Variants in ADGRB3 observed in about 807,000 individuals in gnomAD.
ADGRB3 encodes the protein adhesion G protein-coupled receptor B3.
In ADGRB3, 37 loss-of-function variants were observed where a neutral mutation model predicts 193.4. That is an observed-to-expected ratio of 0.19 (90% CI 0.15 to 0.25). The LOEUF (loss-of-function observed/expected upper bound fraction) is 0.25. Among genes scored for constraint, ADGRB3 ranks in the 10% least tolerant of loss-of-function variants. The pLI is 1.00. For missense variants in ADGRB3, 1,637 were observed against 1,852.9 expected, an observed-to-expected ratio of 0.88 and a Z score of 2.14; for synonymous variants, 690 against 644.2, an observed-to-expected ratio of 1.07 and a Z score of -1.08.
chr6:68,717,686 A>G (rs1765510738), intron 3 of ADGRB3, among the ~76,000 whole-genome samples: 1 of 151,582 alleles, frequency 6.6e-6, no homozygotes, highest in African/African-American at 2.4e-5. Flanking sequence ...TAAAGATATA[A>G]AAATTAAACT....
At chr6:68,938,814 A>G (rs1240516070) in intron 5 of ADGRB3, among the ~76,000 whole-genome samples, 2 of 152,170 alleles carry the variant, frequency 1.3e-5, no homozygotes, top group African/African-American at 4.8e-5. Flanking sequence ...TCCAGGATCA[A>G]GTTTTATGTC....
chr6:68,806,896 A>G (rs529905397), intron 3 of ADGRB3, among the ~76,000 whole-genome samples: 13 of 152,224 alleles, frequency 8.5e-5, no homozygotes, highest in Admixed American at 2.6e-4. Flanking sequence ...ATATTGTTAC[A>G]CAGTTGCCTT....
intron 29 of ADGRB3, among the ~76,000 whole-genome samples, chr6:69,368,199 G>A (rs909267524): frequency 6.6e-5 from 10 of 152,164 alleles, no homozygotes; most frequent in East Asian, 1.9e-4. Context: ...CTATCCATCC[G>A]TCCATTCATC....
In ADGRB3 at chr6:68,708,870, C is replaced by T. The variant is rs185359283; in HGVS notation, c.757+69438C>T. On this transcript the variant is annotated intron_variant, in intron 3 of 31. Transcript: ENST00000370598. ...CTTTTGTTTTGATTTTCATTAATGT[C>T]GACACCTATTACCAATCTGTACCTA... 3.2e-3 allele frequency among the ~76,000 whole-genome samples: 492 copies of T among 151,968 alleles called. 3 individuals carry two copies. Among genetic ancestry groups the T allele is most frequent in the African/African-American group, 0.011 (467 of 41,474 alleles).
In ADGRB3 at chr6:68,974,814, G is replaced by A; in HGVS notation, c.1577G>A (p.Arg526Lys). 1 of 1,614,004 alleles carries A rather than the reference G, an allele frequency of 6.2e-7. No individual in the cohort carries two copies. The highest frequency in any genetic ancestry group is 8.5e-7 in the Non-Finnish European group (1 of 1,179,936). ...EDYLMSMVWKRTPAGDLAFNQ... is the reference protein window; with the variant it reads ...EDYLMSMVWKKTPAGDLAFNQ... The stretch of plus-strand genomic sequence containing the variant: ...TATCTGATGTCGATGGTGTGGAAAA[G>A]AACTCCAGCAGGCGACTTGGCATTC... Residue 526 changes from arginine to lysine, a missense_variant, in exon 9 of 32, where the codon AGA (arginine) becomes AAA (lysine). By Grantham distance (26) the Arg-to-Lys change is conservative. Around this residue, in one of 7 missense-constraint regions of ADGRB3, gnomAD observed 641 missense variants for 673.9 expected, o/e 0.95. Transcript: ENST00000370598.
chr6:68,692,388 C>A (rs140305838), intron 3 of ADGRB3, among the ~76,000 whole-genome samples: 94 of 152,010 alleles, frequency 6.2e-4, no homozygotes, highest in African/African-American at 2.0e-3. Context: ...AATAACAACA[C>A]AGCAAGTGAG....
intron 3 of ADGRB3, among the ~76,000 whole-genome samples, chr6:68,909,576 C>A (rs1481101977): frequency 6.6e-6 from 1 of 152,136 alleles, no homozygotes; most frequent in East Asian, 1.9e-4. Context: ...CACTTCAGAA[C>A]AAAAGGAAGA....
chr6:69,250,750 C>T lies in ADGRB3; in HGVS notation c.2814+11524C>T, dbSNP rs370295424. Among the ~76,000 whole-genome samples, 180 of 152,328 alleles carry T rather than the reference C, an allele frequency of 1.2e-3. 2 individuals are homozygous for T. In the South Asian group the frequency reaches 0.03, roughly 25 times the overall value. ...TGAAGTACTTTAAGCTCAACCACTT[C>T]CTGGGCATGCACCACTTGTCAAGTT... is the stretch of plus-strand genomic sequence containing the variant. On this transcript the variant is annotated intron_variant, in intron 20 of 31. Coordinates refer to ENST00000370598, the MANE Select transcript of ADGRB3 (RefSeq NM_001704.3).
rs551119126 is a variant in ADGRB3, at chr6:69,025,635, C to G, written c.2107+7136C>G. On this transcript the variant is annotated intron_variant, in intron 13 of 31. Coordinates refer to ENST00000370598, the MANE Select transcript of ADGRB3 (RefSeq NM_001704.3). ...TCTCTGCCTTCTGGCTCTTTACCACCCTTGCTAAACACCTGAAGCTAGTGG... is the reference window on the plus strand; with the variant it reads ...TCTCTGCCTTCTGGCTCTTTACCACGCTTGCTAAACACCTGAAGCTAGTGG... Among the ~76,000 whole-genome samples, 6 of 152,050 alleles carry G rather than the reference C, an allele frequency of 3.9e-5. No individual in the cohort carries two copies. The East Asian group carries it at 1.2e-3, about 29-fold the overall frequency.
In ADGRB3 at chr6:68,669,340, TCTAA is replaced by T. The variant is rs1366320977; in HGVS notation, c.757+29912_757+29915del. 7.2e-5 allele frequency among the ~76,000 whole-genome samples: 11 copies of T among 151,992 alleles called. No individual in the cohort carries two copies. The East Asian group carries it at 1.9e-3, about 27-fold the overall frequency. On this transcript the variant is annotated intron_variant, in intron 3 of 31. Coordinates refer to ENST00000370598, the MANE Select transcript of ADGRB3 (RefSeq NM_001704.3). Reference sequence around the variant, plus strand: ...TCTGTTCTATTTCTTATTCATTTGTTCTAACTATTTCTTTTGTACCCATTAGCCA... The same window carrying T: ...TCTGTTCTATTTCTTATTCATTTGTTCTATTTCTTTTGTACCCATTAGCCA...
At chr6:69,254,208 A>T (rs1766697488) in intron 20 of ADGRB3, among the ~76,000 whole-genome samples, 4 of 152,202 alleles carry the variant, frequency 2.6e-5, no homozygotes, top group Admixed American at 6.5e-5. Flanking sequence ...TTAGATTTTT[A>T]AAAGTAGGTA....
At chr6:68,962,617 C>T (rs1768267531) in intron 8 of ADGRB3, among the ~76,000 whole-genome samples, 1 of 152,120 alleles carries the variant, frequency 6.6e-6, no homozygotes, top group African/African-American at 2.4e-5. Flanking sequence ...AAAATTTAAG[C>T]ACCACCTTTT....
intron 3 of ADGRB3, among the ~76,000 whole-genome samples, chr6:68,868,377 A>G (rs1006593409): frequency 6.6e-6 from 1 of 152,182 alleles, no homozygotes; most frequent in African/African-American, 2.4e-5. Flanking sequence ...GCCATGTAAA[A>G]GTGTGAGTCA....
intron 3 of ADGRB3, among the ~76,000 whole-genome samples, chr6:68,912,516 CG>C (rs1396198937): frequency 6.6e-6 from 1 of 152,000 alleles, no homozygotes; most frequent in Non-Finnish European, 1.5e-5. Context: ...TATCCCTCCC[CG>C]CTCCCTCCAC....
chr6:69,231,941 G>A lies in ADGRB3; in HGVS notation c.2481-1349G>A, dbSNP rs1360758253. 2.0e-5 allele frequency among the ~76,000 whole-genome samples: 3 copies of A among 152,120 alleles called. No homozygotes were observed. The East Asian group carries it at 5.8e-4, about 29-fold the overall frequency. On this transcript the variant is annotated intron_variant, in intron 17 of 31. Coordinates refer to ENST00000370598, the MANE Select transcript of ADGRB3 (RefSeq NM_001704.3). Reference sequence around the variant, plus strand: ...GAATTATATTCTGTAGCTCAACTTGGAAGTTCAACTGTCACAAAGAAACCT... The same window carrying A: ...GAATTATATTCTGTAGCTCAACTTGAAAGTTCAACTGTCACAAAGAAACCT...
chr6:69,300,641 TA>T (rs1285210214), intron 20 of ADGRB3, among the ~76,000 whole-genome samples: 1 of 151,676 alleles, frequency 6.6e-6, no homozygotes, highest in Admixed American at 6.6e-5. Context: ...AAAGCAACAT[TA>T]AAAACCAGCA....
rs1477923949 is a variant in ADGRB3, at chr6:68,964,595, A to G, written c.1525+7786A>G. On this transcript the variant is annotated intron_variant, in intron 8 of 31. Coordinates refer to ENST00000370598, the MANE Select transcript of ADGRB3 (RefSeq NM_001704.3). Reference sequence around the variant, plus strand: ...AGCATACCCCAGTATAAAATTCAGTATAACTAAAAGTTAGTAAATAGCTTT... The same window carrying G: ...AGCATACCCCAGTATAAAATTCAGTGTAACTAAAAGTTAGTAAATAGCTTT... Among the ~76,000 whole-genome samples the G allele has an allele frequency of 2.0e-5, 3 of 152,238 alleles. No homozygotes were observed. In the East Asian group the frequency reaches 5.8e-4, roughly 29 times the overall value.
At chr6:69,311,897 A>G (rs1248339923) in intron 20 of ADGRB3, among the ~76,000 whole-genome samples, 1 of 151,866 alleles carries the variant, frequency 6.6e-6, no homozygotes, top group Non-Finnish European at 1.5e-5. Flanking sequence ...TAAAAAACTC[A>G]TACCTACATC....
intron 20 of ADGRB3, among the ~76,000 whole-genome samples, chr6:69,318,337 C>A (rs1283466): frequency 2.0e-5 from 3 of 151,040 alleles, no homozygotes; most frequent in African/African-American, 7.3e-5. Flanking sequence ...ATTAATGTGA[C>A]CATATGATTT....
Sources: allele counts gnomAD v4.1 joint callset (sites outside exome capture counted in the v4.1 genomes callset), GRCh38; gene constraint gnomAD v4.1.1; regional missense constraint gnomAD v4.1.1; transcripts MANE v1.5; gene names NCBI Gene and HGNC (gene_info 2026-07-23, HGNC 2026-07-21).